The following DYNLRB1 variants were observed in gnomAD, a reference collection of about 807,000 sequenced individuals.
The protein encoded by DYNLRB1 is ROBL/LC7-like 1.
A neutral mutation model predicts 13.5 loss-of-function variants in DYNLRB1; 6 were observed. That is an observed-to-expected ratio of 0.44 (90% confidence interval 0.24 to 0.88). The LOEUF (loss-of-function observed/expected upper bound fraction) is 0.88, where lower values mean the gene tolerates loss of function less well. Ranked by LOEUF, DYNLRB1 falls within the 40% of genes least tolerant of loss-of-function variation. DYNLRB1 has a pLI of 0.21. For synonymous variants in DYNLRB1, 43 were observed against 45.0 expected, an observed-to-expected ratio of 0.96 and a Z score of 0.18; for missense variants, 93 against 127.2, an observed-to-expected ratio of 0.73 and a Z score of 1.29.
rs573898009 is a variant in DYNLRB1, at chr20:34,529,056, A to T, written c.79+2713A>T. ...TGCCCAGCCCAGGGGCTGCTCCCAC[A>T]GGCCAGGATTTACCAGCAGCCCTGT... On this transcript the variant is annotated intron_variant, in intron 2 of 3. Transcript: ENST00000357156. 8.6e-5 allele frequency among the ~76,000 whole-genome samples: 13 copies of T among 151,920 alleles called. No homozygotes were observed. The East Asian group carries it at 2.5e-3, about 29-fold the overall frequency.
intron 1 of DYNLRB1, among the ~76,000 whole-genome samples, chr20:34,525,677 G>C (rs1980139046): frequency 6.6e-6 from 1 of 152,196 alleles, no homozygotes; most frequent in Non-Finnish European, 1.5e-5. Flanking sequence ...GACCCGAACT[G>C]CGACTGCCCC....
intron 1 of DYNLRB1, 173 bp downstream of exon 1, chr20:34,516,634 T>C: frequency 1.3e-6 from 2 of 1,496,668 alleles, no homozygotes; most frequent in Non-Finnish European, 1.8e-6. Context: ...GGCGGAGGCC[T>C]CTAAAGCCTG....
rs976669932 is a variant in DYNLRB1 at position 34,516,457 on chromosome 20, A to T, written c.-2A>T. ...TACGCGGGGCTACCGGATCGGTCGG[A>T]AATGGTGAGCGTGCGCCGGGGTCTT... On this transcript the variant is annotated 5_prime_UTR_variant, in exon 1 of 4. Coordinates refer to ENST00000357156, the MANE Select transcript of DYNLRB1 (RefSeq NM_014183.4). The T allele has an allele frequency of 1.9e-6, 3 of 1,613,280 alleles. No individual in the cohort carries two copies. The highest frequency in any genetic ancestry group is 2.2e-5 in the East Asian group (1 of 44,828).
At chr20:34,526,405 C>T in intron 2 of DYNLRB1, 62 bp downstream of exon 2, 3 of 1,550,580 alleles carry the variant, frequency 1.9e-6, no homozygotes. Flanking sequence ...CATAACACAG[C>T]ATAGCACTTG....
intron 1 of DYNLRB1, chr20:34,516,994 G>A: frequency 4.0e-6 from 5 of 1,260,750 alleles, no homozygotes; most frequent in Non-Finnish European, 5.0e-6. Flanking sequence ...AAGCTTGACG[G>A]CCGCCACTCT....
intron 1 of DYNLRB1, among the ~76,000 whole-genome samples, chr20:34,521,786 C>T (rs1363657085): frequency 6.6e-6 from 1 of 152,172 alleles, no homozygotes; most frequent in Admixed American, 6.5e-5. Context: ...GTGGCTCACG[C>T]CTGTAGTCCC....
rs17091880 is a variant in DYNLRB1 at position 34,530,200 on chromosome 20, C to T, written c.79+3857C>T. 7,613 of 1,142,864 alleles carry T rather than the reference C, an allele frequency of 6.7e-3. 156 individuals are homozygous for T. Among genetic ancestry groups the T allele is most frequent in the African/African-American group, 0.061 (3,818 of 62,704 alleles). The allele number at this position is 1,142,864 out of a possible 1,614,324, so 70.8% of individuals were successfully genotyped here. A position where few individuals can be genotyped will look rare whatever the true frequency, so the allele number is the denominator to read the frequency against. ...CTGCCCCTAAAGCCAAGCCTTTTCACTGGGAAGCCCTAGCTGCTTACCTTT... is the reference window on the plus strand; with the variant it reads ...CTGCCCCTAAAGCCAAGCCTTTTCATTGGGAAGCCCTAGCTGCTTACCTTT... On this transcript the variant is annotated intron_variant, in intron 2 of 3. Transcript: ENST00000357156.
At chr20:34,538,217 C>T (rs765944108) in intron 3 of DYNLRB1, among the ~76,000 whole-genome samples, 5 of 151,074 alleles carry the variant, frequency 3.3e-5, no homozygotes, top group East Asian at 1.9e-4. Flanking sequence ...ATTCTCCCAC[C>T]TCAGCCTCCC....
chr20:34,530,350 G>T, intron 2 of DYNLRB1: 1 of 932,856 alleles, frequency 1.1e-6, no homozygotes, highest in East Asian at 1.1e-4. Context: ...TATCAGCTAT[G>T]TGGTTTTGGG....
chr20:34,528,970 G>C (rs1050360777), intron 2 of DYNLRB1, among the ~76,000 whole-genome samples: 4 of 151,764 alleles, frequency 2.6e-5, no homozygotes, highest in Non-Finnish European at 5.9e-5. Context: ...CACAGAGCAA[G>C]ACCTTGTCTC....
intron 2 of DYNLRB1, among the ~76,000 whole-genome samples, chr20:34,527,596 G>A (rs1980331540): frequency 6.6e-6 from 1 of 152,292 alleles, no homozygotes; most frequent in Admixed American, 6.5e-5. Context: ...CGGGGGTCCT[G>A]TTAAACATAG....
At chr20:34,523,804 A>C (rs1979951078) in intron 1 of DYNLRB1, among the ~76,000 whole-genome samples, 1 of 152,220 alleles carries the variant, frequency 6.6e-6, no homozygotes, top group Non-Finnish European at 1.5e-5. Flanking sequence ...TCACTGCATC[A>C]TCACAGGCCT....
At chr20:34,522,497 G>A (rs1253877059) in intron 1 of DYNLRB1, among the ~76,000 whole-genome samples, 1 of 37,178 alleles carries the variant, frequency 2.7e-5, no homozygotes, top group Non-Finnish European at 5.5e-5. Flanking sequence ...TTTTTGATGA[G>A]TCTTACACTC....
intron 2 of DYNLRB1, among the ~76,000 whole-genome samples, chr20:34,526,905 G>T (rs762232708): frequency 6.6e-6 from 1 of 152,104 alleles, no homozygotes; most frequent in Non-Finnish European, 1.5e-5. Flanking sequence ...TTTATTGGCT[G>T]GATAGTTCTC....
At chr20:34,519,358 A>G (rs936725400) in intron 1 of DYNLRB1, among the ~76,000 whole-genome samples, 1 of 152,146 alleles carries the variant, frequency 6.6e-6, no homozygotes, top group Non-Finnish European at 1.5e-5. Flanking sequence ...ATTTATGTAT[A>G]AGCTGTTTAT....
At chr20:34,524,792 C>T (rs1484196626) in intron 1 of DYNLRB1, among the ~76,000 whole-genome samples, 2 of 150,906 alleles carry the variant, frequency 1.3e-5, no homozygotes, top group Non-Finnish European at 2.9e-5. Context: ...GGTGCGATCT[C>T]GGCTTACTGC....
intron 1 of DYNLRB1, among the ~76,000 whole-genome samples, chr20:34,523,033 G>A (rs1021552983): frequency 2.6e-5 from 4 of 152,174 alleles, no homozygotes; most frequent in African/African-American, 9.7e-5. Context: ...TGCGTCTGGA[G>A]GAGGAGATGA....
In DYNLRB1 at chr20:34,519,706, G is replaced by A. The variant is rs77877643; in HGVS notation, c.3+3245G>A. On this transcript the variant is annotated intron_variant, in intron 1 of 3. Transcript: ENST00000357156. ...GTATAGTTTTTTTATTCCAGACACTGCTGCAGTAACTGTTCTTGTCTTTTT... is the reference window on the plus strand; with the variant it reads ...GTATAGTTTTTTTATTCCAGACACTACTGCAGTAACTGTTCTTGTCTTTTT... Among the ~76,000 whole-genome samples, 131 of 152,222 alleles carry A rather than the reference G, an allele frequency of 8.6e-4. 1 individual carries two copies. In the East Asian group the frequency reaches 0.022, roughly 26 times the overall value.
chr20:34,532,506 G>A (rs1980787643), intron 2 of DYNLRB1, among the ~76,000 whole-genome samples: 1 of 152,122 alleles, frequency 6.6e-6, no homozygotes, highest in Non-Finnish European at 1.5e-5. Context: ...GTTTTCTTAG[G>A]CCCCCAGGAA....
Sources: allele counts gnomAD v4.1 joint callset (sites outside exome capture counted in the v4.1 genomes callset), GRCh38; gene constraint gnomAD v4.1.1; transcripts MANE v1.5; gene names NCBI Gene and HGNC (gene_info 2026-07-23, HGNC 2026-07-21).